SMOC1: variants seen among roughly 807,000 people sequenced by gnomAD.
SMOC1 encodes the protein SPARC-related modular calcium-binding protein 1.
A neutral mutation model predicts 56.3 loss-of-function variants in SMOC1; 22 were observed. The ratio of observed to expected loss-of-function variants is 0.39; its 90% CI spans 0.28 to 0.56. The LOEUF (loss-of-function observed/expected upper bound fraction) is 0.56, where lower values mean the gene tolerates loss of function less well. Among genes scored for constraint, SMOC1 ranks in the 20% least tolerant of loss-of-function variants. The pLI is 0.61. For synonymous variants in SMOC1, 193 were observed against 215.0 expected (o/e 0.90, Z 0.89); for missense variants, 509 against 565.4 (o/e 0.90, Z 1.01).
At chr14:69,921,201 T>G (rs966546636) in intron 1 of SMOC1, among the ~76,000 whole-genome samples, 4 of 152,054 alleles carry the variant, frequency 2.6e-5, no homozygotes, top group Non-Finnish European at 5.9e-5. Context: ...ATGGTCAGAG[T>G]GAGCTAGACT....
At chr14:69,897,408 T>C (rs1884127942) in intron 1 of SMOC1, among the ~76,000 whole-genome samples, 1 of 152,232 alleles carries the variant, frequency 6.6e-6, no homozygotes, top group Admixed American at 6.5e-5. Flanking sequence ...ATAATTGATG[T>C]AGTTGAATTA....
chr14:69,908,655 A>T (rs1884475884), intron 1 of SMOC1, among the ~76,000 whole-genome samples: 1 of 152,054 alleles, frequency 6.6e-6, no homozygotes, highest in Non-Finnish European at 1.5e-5. Flanking sequence ...TGGCCTTTTG[A>T]CAGTGCCTTG....
intron 1 of SMOC1, among the ~76,000 whole-genome samples, chr14:69,924,952 AGG>A (rs1235030258): frequency 7.2e-5 from 2 of 27,802 alleles, no homozygotes; most frequent in East Asian, 1.9e-3. Context: ...TAGGGGAGGT[AGG>A]GGAGCTAGGG....
intron 1 of SMOC1, among the ~76,000 whole-genome samples, chr14:69,895,581 G>T (rs1186117248): frequency 1.3e-5 from 2 of 152,308 alleles, no homozygotes; most frequent in Non-Finnish European, 2.9e-5. Context: ...AAAGTGACCA[G>T]GGTCCTCCTT....
chr14:69,998,879 T>C (rs983140201), intron 7 of SMOC1, among the ~76,000 whole-genome samples: 4 of 152,130 alleles, frequency 2.6e-5, no homozygotes, highest in Non-Finnish European at 4.4e-5. Context: ...ACTTCTTCCA[T>C]GATCTGATCA....
chr14:69,990,409 G>A (rs1344260094), intron 5 of SMOC1, among the ~76,000 whole-genome samples: 1 of 152,202 alleles, frequency 6.6e-6, no homozygotes, highest in Non-Finnish European at 1.5e-5. Context: ...CTCCTGGAAT[G>A]TTTGATTTTT....
At chr14:69,914,393 A>T (rs899662828) in intron 1 of SMOC1, among the ~76,000 whole-genome samples, 3 of 152,244 alleles carry the variant, frequency 2.0e-5, no homozygotes, top group Non-Finnish European at 2.9e-5. Context: ...ATATTTACAA[A>T]AATGGGGAGC....
chr14:69,992,733 G>T (rs1884609804), intron 6 of SMOC1, among the ~76,000 whole-genome samples: 1 of 152,186 alleles, frequency 6.6e-6, no homozygotes, highest in Admixed American at 6.5e-5. Context: ...CAATAACACA[G>T]CCTGGACAGA....
chr14:70,024,324 G>A (rs35408276), intron 11 of SMOC1, among the ~76,000 whole-genome samples: 30,113 of 152,010 alleles, frequency 0.2, 3,134 homozygotes, highest in African/African-American at 0.23. Context: ...TGAAGGAAGC[G>A]ATGCCTAAAC....
intron 2 of SMOC1, among the ~76,000 whole-genome samples, chr14:69,952,953 C>G (rs141238512): frequency 1.5e-3 from 226 of 152,254 alleles, no homozygotes; most frequent in African/African-American, 5.1e-3. Flanking sequence ...TTTCCTGAGT[C>G]CTGTACGTAT....
chr14:69,919,493 C>G (rs2139362886), intron 1 of SMOC1, among the ~76,000 whole-genome samples: 1 of 152,328 alleles, frequency 6.6e-6, no homozygotes, highest in African/African-American at 2.4e-5. Context: ...TTTACCAAGA[C>G]CTAGAATGTA....
chr14:70,018,605 A>G (rs1885602630), intron 10 of SMOC1, among the ~76,000 whole-genome samples: 1 of 152,072 alleles, frequency 6.6e-6, no homozygotes, highest in African/African-American at 2.4e-5. Flanking sequence ...TTCCCACAGC[A>G]CCCATTAGCA....
intron 3 of SMOC1, 109 bp from the exon 4 acceptor site, chr14:69,975,606 G>A (rs1039240792): frequency 3.6e-6 from 3 of 827,112 alleles, no homozygotes; most frequent in African/African-American, 3.3e-5. Context: ...GATGAGAGGT[G>A]GAAGATGCTC....
chr14:70,002,130 G>T (rs1884990340), intron 7 of SMOC1, among the ~76,000 whole-genome samples: 1 of 152,194 alleles, frequency 6.6e-6, no homozygotes, highest in Non-Finnish European at 1.5e-5. Flanking sequence ...ATCTGGGCTG[G>T]AGCTGGAGAC....
chr14:69,968,053 CA>C (rs1181375777), intron 3 of SMOC1, among the ~76,000 whole-genome samples: 2 of 152,210 alleles, frequency 1.3e-5, no homozygotes, highest in Non-Finnish European at 2.9e-5. Flanking sequence ...TAGATTCATG[CA>C]TTAAAATACC....
At chr14:69,979,766 C>T (rs1884107129) in intron 5 of SMOC1, among the ~76,000 whole-genome samples, 1 of 152,132 alleles carries the variant, frequency 6.6e-6, no homozygotes, top group Admixed American at 6.5e-5. Flanking sequence ...TTAGTTTTGC[C>T]TGTTGCAATG....
chr14:69,916,732 C>G lies in SMOC1; in HGVS notation c.100-35406C>G, dbSNP rs61980630. ...GTCAAATGTCACCTTCTCAGAGACTCTTTCCTGGCCAGCCTATGGGTAAGA... is the reference window on the plus strand; with the variant it reads ...GTCAAATGTCACCTTCTCAGAGACTGTTTCCTGGCCAGCCTATGGGTAAGA... On this transcript the variant is annotated intron_variant, in intron 1 of 11. Coordinates refer to ENST00000361956, the MANE Select transcript of SMOC1 (RefSeq NM_001034852.3). 2.6e-5 allele frequency among the ~76,000 whole-genome samples: 4 copies of G among 152,178 alleles called. 1 individual carries two copies. Among genetic ancestry groups the G allele is most frequent in the Non-Finnish European group, 5.9e-5 (4 of 68,022 alleles).
intron 5 of SMOC1, among the ~76,000 whole-genome samples, chr14:69,990,975 G>A (rs960922238): frequency 2.0e-5 from 3 of 152,164 alleles, no homozygotes; most frequent in Non-Finnish European, 2.9e-5. Context: ...TCCCAAGGGT[G>A]AGATGTTGAT....
intron 7 of SMOC1, among the ~76,000 whole-genome samples, chr14:70,009,934 G>A (rs917613943): frequency 2.0e-5 from 3 of 152,194 alleles, no homozygotes; most frequent in East Asian, 1.9e-4. Context: ...CTAAGTGGTT[G>A]ATTGGGAAGA....
Sources: gnomAD v4.1 joint callset for allele counts (sites outside exome capture counted in the v4.1 genomes callset) on GRCh38, gnomAD v4.1.1 for gene constraint, MANE v1.5 for transcripts, NCBI Gene and HGNC (gene_info 2026-07-23, HGNC 2026-07-21) for gene names.